The following PZP variants were observed in gnomAD, a reference collection of about 807,000 sequenced individuals.
The protein encoded by PZP is pregnancy zone protein.
In PZP, 150 loss-of-function variants were observed where a neutral mutation model predicts 179.8. The observed-to-expected ratio is 0.83, with a 90% confidence interval of 0.73 to 0.96. The LOEUF (loss-of-function observed/expected upper bound fraction) is 0.96. PZP is among the 40% of genes least tolerant of loss of function. The pLI is 0.00. For synonymous variants in PZP, 624 were observed against 652.3 expected, an observed-to-expected ratio of 0.96 and a Z score of 0.66; for missense variants, 1,689 against 1,764.0, an observed-to-expected ratio of 0.96 and a Z score of 0.76.
intron 13 of PZP, among the ~76,000 whole-genome samples, chr12:9,186,562 C>A (rs1943131062): frequency 6.6e-6 from 1 of 152,082 alleles, no homozygotes; most frequent in Non-Finnish European, 1.5e-5. Flanking sequence ...GGAGAAAAAT[C>A]TGTCAAGCAA....
intron 1 of PZP, among the ~76,000 whole-genome samples, chr12:9,206,882 A>G (rs1193043998): frequency 6.6e-6 from 1 of 152,194 alleles, no homozygotes; most frequent in East Asian, 1.9e-4. Context: ...TTCTGACCCA[A>G]TACACGCTAC....
At chr12:9,137,451 G>A in the PZP span, among the ~76,000 whole-genome samples, 1 of 152,044 alleles carries the variant, frequency 6.6e-6, no homozygotes, top group Non-Finnish European at 1.5e-5. Flanking sequence ...TTTGAAATTA[G>A]GAAGTGTGAG....
At chr12:9,142,679 A>AT in the PZP span, among the ~76,000 whole-genome samples, 2 of 152,000 alleles carry the variant, frequency 1.3e-5, no homozygotes, top group African/African-American at 2.4e-5. Context: ...TAGTTATAAG[A>AT]TTTTTTTTCT....
chr12:9,199,994 T>C (rs1452406293), intron 7 of PZP, among the ~76,000 whole-genome samples: 3 of 152,216 alleles, frequency 2.0e-5, no homozygotes, highest in Non-Finnish European at 2.9e-5. Context: ...GCAATTAGTT[T>C]TGGAAAATTA....
At chr12:9,162,048 C>T (rs1941241716) in intron 22 of PZP, among the ~76,000 whole-genome samples, 1 of 152,016 alleles carries the variant, frequency 6.6e-6, no homozygotes. Flanking sequence ...TGCAACCTCC[C>T]CCTGCCCGGC....
rs112485606 is a variant in PZP, at chr12:9,175,920, G to A, written c.1839+5063C>T. On this transcript the variant is annotated intron_variant, in intron 15 of 35. Transcript: ENST00000261336. ...TGTGGTGATTCCTCAAAGACCCAGAGGCAAAAATACCATTTGACTCAGCAA... is the reference window on the plus strand; with the variant it reads ...TGTGGTGATTCCTCAAAGACCCAGAAGCAAAAATACCATTTGACTCAGCAA... 7.2e-5 allele frequency among the ~76,000 whole-genome samples: 11 copies of A among 152,154 alleles called. 1 individual carries two copies. The highest frequency in any genetic ancestry group is 3.4e-3 in the Middle Eastern group (1 of 294).
intron 13 of PZP, 100 bp downstream of exon 13, chr12:9,192,093 G>T: frequency 9.8e-7 from 1 of 1,020,818 alleles, no homozygotes; most frequent in Non-Finnish European, 1.5e-6. Flanking sequence ...TCCTTATTGT[G>T]AAGGGATGAT....
intron 15 of PZP, 135 bp downstream of exon 15, chr12:9,180,848 T>A (rs2081795): frequency 0.023 from 18,725 of 830,346 alleles, 276 homozygotes; most frequent in Non-Finnish European, 0.028. Flanking sequence ...GAAACTACCA[T>A]CAGAGTGAAC....
At position 9,160,511 on chromosome 12, in the gene PZP, G is replaced by A. The variant is rs1374769816; in HGVS notation, c.2873-21C>T. On this transcript the variant is annotated intron_variant, in intron 23 of 35. Coordinates refer to ENST00000261336, the MANE Select transcript of PZP (RefSeq NM_002864.3). ...GTCACCTGGGGAATGTGAAAGATTA[G>A]ATGTCAGAATAATTTCAGTTCATAA... The A allele has an allele frequency of 2.5e-6, 4 of 1,602,090 alleles. No homozygotes were observed. The Admixed American group carries it at 5.2e-5, about 21-fold the overall frequency.
At chr12:9,189,599 A>C (rs1039559754) in intron 13 of PZP, among the ~76,000 whole-genome samples, 9 of 152,354 alleles carry the variant, frequency 5.9e-5, no homozygotes, top group African/African-American at 1.9e-4. Flanking sequence ...TTCATGAAGA[A>C]GACACTAAAA....
intron 1 of PZP, among the ~76,000 whole-genome samples, chr12:9,206,055 C>T (rs892051265): frequency 6.6e-6 from 1 of 152,172 alleles, no homozygotes; most frequent in Non-Finnish European, 1.5e-5. Context: ...AGCAGAGAAG[C>T]TGAGGGCAGT....
At position 9,161,134 on chromosome 12, in the gene PZP, C is replaced by G. The variant is rs1941174224; in HGVS notation, c.2789-18G>C. 1.3e-6 allele frequency: 2 copies of G among 1,524,642 alleles called. No individual in the cohort carries two copies. Among genetic ancestry groups the G allele is most frequent in the African/African-American group, 1.4e-5 (1 of 71,768 alleles). 94.4% of individuals were successfully genotyped at this position (1,524,642 alleles called of 1,614,324 possible). On this transcript the variant is annotated intron_variant, in intron 22 of 35. Coordinates refer to ENST00000261336, the MANE Select transcript of PZP (RefSeq NM_002864.3). ...ATTAGCACCTTTAGAAACAGACAGC[C>G]CATGTTAAAGGAGGACATCTATGAT...
In PZP at chr12:9,164,266, C is replaced by A. The variant is rs751695450; in HGVS notation, c.2488-7G>T. 2 of 1,611,834 alleles carry A rather than the reference C, an allele frequency of 1.2e-6. No homozygotes were observed. The highest frequency in any genetic ancestry group is 1.7e-5 in the Admixed American group (1 of 59,892). On this transcript the variant is annotated splice_region_variant and splice_polypyrimidine_tract_variant and intron_variant, in intron 19 of 35. Transcript: ENST00000261336. ...CTTTCAGCTGCACACTGACCTATCA[C>A]CCCATGTGAGGCAGAGACAGAAATG... is the stretch of plus-strand genomic sequence containing the variant.
intron 13 of PZP, among the ~76,000 whole-genome samples, chr12:9,190,921 A>G (rs1943423292): frequency 6.6e-6 from 1 of 152,194 alleles, no homozygotes; most frequent in South Asian, 2.1e-4. Flanking sequence ...TTCTTTTATC[A>G]TAGAGGTGTA....
chr12:9,198,737 G>A (rs1943984277), intron 7 of PZP, among the ~76,000 whole-genome samples: 1 of 152,066 alleles, frequency 6.6e-6, no homozygotes, highest in Non-Finnish European at 1.5e-5. Context: ...TTTGCAAATG[G>A]CTCTGAAATT....
At position 9,192,700 on chromosome 12, in the gene PZP, A is replaced by G. The variant is rs748801809; in HGVS notation, c.1294T>C (p.Trp432Arg). Residue 432 changes from tryptophan to arginine, a missense_variant, in exon 12 of 36, where the codon TGG becomes CGG. Trp to Arg is a moderately radical substitution (Grantham distance 101). Coordinates refer to ENST00000261336, the MANE Select transcript of PZP (RefSeq NM_002864.3). ...VHPNLCFHYS[W>R]VAEDHQGAQH... ...GCACCCTGGTGGTCTTCTGCTACCC[A>G]TGAATAGTGAAAACACAAGTTGGGA... 2 of 1,613,558 alleles carry G rather than the reference A, an allele frequency of 1.2e-6. No homozygotes were observed. Among genetic ancestry groups the G allele is most frequent in the South Asian group, 2.2e-5 (2 of 91,054 alleles).
intron 1 of PZP, among the ~76,000 whole-genome samples, chr12:9,207,869 T>C (rs1238921471): frequency 6.6e-6 from 1 of 152,204 alleles, no homozygotes; most frequent in Non-Finnish European, 1.5e-5. Flanking sequence ...TGATACATGA[T>C]TGAAAAATAA....
In PZP at chr12:9,203,935, C is replaced by A. The variant is rs1484176229; in HGVS notation, c.100G>T (p.Val34Phe). 1 of 1,613,326 alleles carries A rather than the reference C, an allele frequency of 6.2e-7. No homozygotes were observed. Among genetic ancestry groups the A allele is most frequent in the Admixed American group, 1.7e-5 (1 of 59,978 alleles). ...GCCTCAGTGTGGAGCAGGGAGGGGA[C>A]CAGCACCATATACTGCCTGGGAAAG... is the stretch of plus-strand genomic sequence containing the variant. Reference protein sequence around the residue: ...NSTEPQYMVLVPSLLHTEAPK... With the variant: ...NSTEPQYMVLFPSLLHTEAPK... Residue 34 changes from valine (V) to phenylalanine (F), a missense_variant, in exon 2 of 36, where the codon GTC becomes TTC. By Grantham distance (50) the Val-to-Phe change is conservative. Around this residue, in one of 3 missense-constraint regions of PZP, gnomAD observed 742 missense variants for 730.5 expected, o/e 1.02. Transcript: ENST00000261336.
At chr12:9,172,883 C>T (rs1435711717) in intron 15 of PZP, among the ~76,000 whole-genome samples, 1 of 152,218 alleles carries the variant, frequency 6.6e-6, no homozygotes, top group African/African-American at 2.4e-5. Context: ...TAGCGAGAGA[C>T]TTTAACACAC....
Sources: allele counts gnomAD v4.1 joint callset (sites outside exome capture counted in the v4.1 genomes callset), GRCh38; gene constraint gnomAD v4.1.1; regional missense constraint gnomAD v4.1.1; transcripts MANE v1.5; gene names NCBI Gene and HGNC (gene_info 2026-07-23, HGNC 2026-07-21).